The following C12orf56 variants were observed in gnomAD, a reference collection of about 807,000 sequenced individuals.
The protein encoded by C12orf56 is chromosome 12 open reading frame 56, also known as uncharacterized protein C12orf56.
In C12orf56, 71 loss-of-function variants were observed where a neutral mutation model predicts 69.9. The observed-to-expected ratio is 1.02, with a 90% CI of 0.84 to 1.24. The LOEUF (loss-of-function observed/expected upper bound fraction) is 1.24, where lower values mean the gene tolerates loss of function less well. C12orf56 is among the 50% of genes most tolerant of loss of function. The pLI is 0.00. For synonymous variants in C12orf56, 276 were observed against 274.1 expected (o/e 1.01, Z -0.07); for missense variants, 732 against 738.5 (o/e 0.99, Z 0.10).
intron 5 of C12orf56, among the ~76,000 whole-genome samples, chr12:64,310,264 C>T (rs558056651): frequency 6.6e-6 from 1 of 152,254 alleles, no homozygotes; most frequent in East Asian, 1.9e-4. Flanking sequence ...ACTTCGGTCT[C>T]CCAAAGTGCT....
At chr12:64,282,342 C>T (rs768245729) in intron 8 of C12orf56, among the ~76,000 whole-genome samples, 2 of 152,254 alleles carry the variant, frequency 1.3e-5, no homozygotes, top group Non-Finnish European at 2.9e-5. Context: ...TGTGTCCATT[C>T]GTTCATGTAC....
intron 11 of C12orf56, among the ~76,000 whole-genome samples, chr12:64,271,184 C>T (rs1373444834): frequency 6.8e-6 from 1 of 147,480 alleles, no homozygotes; most frequent in Non-Finnish European, 1.5e-5. Flanking sequence ...TATAAGAGGC[C>T]AGGTCGGGCA....
intron 4 of C12orf56, among the ~76,000 whole-genome samples, chr12:64,314,623 G>T (rs971041451): frequency 6.6e-6 from 1 of 151,466 alleles, no homozygotes; most frequent in Non-Finnish European, 1.5e-5. Context: ...AAATGTTGTT[G>T]ATTTGACACT....
At chr12:64,272,453 C>T (rs1014313074) in intron 11 of C12orf56, among the ~76,000 whole-genome samples, 9 of 151,450 alleles carry the variant, frequency 5.9e-5, no homozygotes, top group African/African-American at 1.7e-4. Context: ...TGCAGTGAGC[C>T]GAGATCGCAC....
At chr12:64,267,799 T>C (rs1346294839) in intron 12 of C12orf56, 1 of 152,310 alleles carries the variant, frequency 6.6e-6, no homozygotes, top group Non-Finnish European at 1.5e-5. Context: ...GAGAGCTTTA[T>C]CTTTAAAATC....
intron 6 of C12orf56, among the ~76,000 whole-genome samples, chr12:64,297,702 G>A (rs1372348330): frequency 6.6e-6 from 1 of 152,154 alleles, no homozygotes; most frequent in Admixed American, 6.5e-5. Context: ...CCATGTCCCT[G>A]CAAAGGACAT....
intron 2 of C12orf56, among the ~76,000 whole-genome samples, chr12:64,349,799 G>T (rs2039196740): frequency 1.3e-5 from 2 of 152,058 alleles, no homozygotes; most frequent in Admixed American, 1.3e-4. Flanking sequence ...AAAGGCATAA[G>T]AATGATATAA....
intron 1 of C12orf56, among the ~76,000 whole-genome samples, chr12:64,360,560 TATAAA>T (rs1430599980): frequency 6.6e-6 from 1 of 152,244 alleles, no homozygotes; most frequent in African/African-American, 2.4e-5. Flanking sequence ...GTAATGATCC[TATAAA>T]ATAATTTTAA....
intron 6 of C12orf56, among the ~76,000 whole-genome samples, chr12:64,297,563 G>A (rs981182831): frequency 6.6e-6 from 1 of 152,036 alleles, no homozygotes. Context: ...GCCCCAATGT[G>A]TGATGTTCCC....
chr12:64,333,415 A>T (rs7972316), intron 2 of C12orf56, among the ~76,000 whole-genome samples: 1 of 151,770 alleles, frequency 6.6e-6, no homozygotes, highest in African/African-American at 2.4e-5. Context: ...TTTTGTGCGA[A>T]GTCATTAAAA....
At chr12:64,371,658 C>A (rs1000174246) in intron 1 of C12orf56, among the ~76,000 whole-genome samples, 1 of 151,660 alleles carries the variant, frequency 6.6e-6, no homozygotes, top group African/African-American at 2.4e-5. Context: ...TGGTGAAACC[C>A]GGCTCTAAGA....
At chr12:64,336,695 C>G (rs1233438289) in intron 2 of C12orf56, among the ~76,000 whole-genome samples, 1 of 152,146 alleles carries the variant, frequency 6.6e-6, no homozygotes, top group Non-Finnish European at 1.5e-5. Flanking sequence ...AAGCACCACA[C>G]AGTTTTCTCA....
chr12:64,305,890 A>C (rs2038505646), intron 5 of C12orf56, among the ~76,000 whole-genome samples: 1 of 152,224 alleles, frequency 6.6e-6, no homozygotes, highest in Non-Finnish European at 1.5e-5. Flanking sequence ...TTACAAACAA[A>C]AGAGCTTAGA....
chr12:64,337,724 G>A (rs1361953229), intron 2 of C12orf56, among the ~76,000 whole-genome samples: 2 of 152,096 alleles, frequency 1.3e-5, no homozygotes, highest in Non-Finnish European at 2.9e-5. Context: ...ACGTGTGGTA[G>A]TGCATGCCTG....
intron 2 of C12orf56, among the ~76,000 whole-genome samples, chr12:64,341,632 T>C (rs1418993640): frequency 6.6e-6 from 1 of 152,084 alleles, no homozygotes; most frequent in African/African-American, 2.4e-5. Flanking sequence ...ATTCCGTGAG[T>C]CCACAGATGG....
At chr12:64,382,264 A>T (rs1474218205) in intron 1 of C12orf56, among the ~76,000 whole-genome samples, 1 of 3,112 alleles carries the variant, frequency 3.2e-4, no homozygotes, top group African/African-American at 6.2e-4. Context: ...TCTTGTCTCA[A>T]AAAAAAAAAA....
chr12:64,354,581 C>T (rs995262736), intron 1 of C12orf56, among the ~76,000 whole-genome samples: 25 of 151,968 alleles, frequency 1.6e-4, no homozygotes, highest in African/African-American at 4.8e-4. Flanking sequence ...CCTCAGCCTC[C>T]GGAGTATCTG....
chr12:64,312,903 C>T (rs1369771726), intron 4 of C12orf56, among the ~76,000 whole-genome samples, 151 bp from the exon 5 acceptor site: 3 of 152,132 alleles, frequency 2.0e-5, no homozygotes, highest in South Asian at 4.1e-4. Flanking sequence ...AATAATACCA[C>T]AGGGAATTTT....
At chr12:64,306,561 G>A (rs2136811155) in intron 5 of C12orf56, among the ~76,000 whole-genome samples, 1 of 152,036 alleles carries the variant, frequency 6.6e-6, no homozygotes, top group Non-Finnish European at 1.5e-5. Flanking sequence ...TAGAGACAAA[G>A]TTTTGCCCTG....
Sources: gnomAD v4.1 joint callset for allele counts (sites outside exome capture counted in the v4.1 genomes callset) on GRCh38, gnomAD v4.1.1 for gene constraint, MANE v1.5 for transcripts, NCBI Gene and HGNC (gene_info 2026-07-23, HGNC 2026-07-21) for gene names.